The following DAPK1 variants were observed in gnomAD, a reference collection of about 807,000 sequenced individuals.
DAPK1 encodes the protein death associated protein kinase 1.
Under a neutral mutation model 144.9 loss-of-function variants are expected in DAPK1, and 56 were observed. The observed-to-expected ratio is 0.39, with a 90% CI of 0.31 to 0.48. The LOEUF is 0.48. DAPK1 is among the 20% of genes least tolerant of loss of function. The pLI is 0.95. For missense variants in DAPK1, 1,454 were observed against 1,875.4 expected (o/e 0.78, Z 4.15); for synonymous variants, 690 against 749.0 (o/e 0.92, Z 1.29).
chr9:87,516,530 C>A (rs1163589710), intron 2 of DAPK1, among the ~76,000 whole-genome samples: 2 of 152,168 alleles, frequency 1.3e-5, no homozygotes, highest in African/African-American at 4.8e-5. Context: ...TGTTTCTAAA[C>A]TGCCTAATAG....
rs386735949 is a variant in DAPK1 at position 87,643,497 on chromosome 9, CTTT to C, written c.1011+30_1011+32del. On this transcript the variant is annotated intron_variant, in intron 11 of 25. Transcript: ENST00000408954. ...AGCAAACCCGTGAGCCCTGGTGCTC[CTTT>C]CTTAGCACTGGGTACTCAGAATGAC... 2.8e-6 allele frequency: 4 copies of C among 1,415,484 alleles called. No homozygotes were observed. The South Asian group carries it at 3.6e-5, about 13-fold the overall frequency. 87.7% of individuals were successfully genotyped at this position (1,415,484 alleles called of 1,614,324 possible). A position where few individuals can be genotyped will look rare whatever the true frequency, so the allele number is the denominator to read the frequency against.
intron 2 of DAPK1, chr9:87,525,211 C>CT: frequency 1.1e-6 from 1 of 885,376 alleles, no homozygotes. Context: ...CTTTCTGCGT[C>CT]TGTTTTTCAC....
rs1168102307 is a variant in DAPK1, at chr9:87,706,268, T to C, written c.3197T>C (p.Val1066Ala). The part of the protein sequence containing the change: ...ALHHYRGRYT[V>A]EDIQRLVPDS... ...CACCACTACCGGGGCCGCTACACCG[T>C]GGAGGACATCCAGCGCCTGGTGCCC... Residue 1066 changes from valine (V) to alanine (A), a missense_variant, in exon 26 of 26, where the codon GTG becomes GCG. Transcript: ENST00000408954. This position sits in a 1 kb window ranked among gnomAD's most constrained non-coding sequence, Gnocchi z 9.0. The C allele has an allele frequency of 6.2e-7, 1 of 1,613,466 alleles. No individual in the cohort carries two copies.
intron 3 of DAPK1, among the ~76,000 whole-genome samples, chr9:87,629,891 G>T (rs1020124532): frequency 3.3e-5 from 5 of 152,158 alleles, no homozygotes; most frequent in Non-Finnish European, 1.5e-5. Context: ...TTCTGAGGCA[G>T]CATCCACCTG....
chr9:87,668,960 G>A (rs112606348), intron 19 of DAPK1: 52 of 315,448 alleles, frequency 1.6e-4, no homozygotes, highest in African/African-American at 9.6e-4. Flanking sequence ...ACAAAGTAGC[G>A]GGGGATGAGG....
intron 2 of DAPK1, among the ~76,000 whole-genome samples, chr9:87,535,470 CTTGGTCTGTATGGGAT>C (rs1825828300): frequency 6.6e-6 from 1 of 152,140 alleles, no homozygotes; most frequent in Non-Finnish European, 1.5e-5. Flanking sequence ...ACATTTGAAA[CTTGGTCTGTATGGGAT>C]CCTAATTTGG....
intron 21 of DAPK1, among the ~76,000 whole-genome samples, chr9:87,694,301 C>T (rs1294605424): frequency 2.6e-5 from 4 of 152,104 alleles, no homozygotes; most frequent in African/African-American, 9.7e-5. Context: ...ATGGGCGTGA[C>T]CTCAGGCCAC....
chr9:87,644,877 G>A (rs36212382), intron 11 of DAPK1, among the ~76,000 whole-genome samples: 2,214 of 152,176 alleles, frequency 0.015, 53 homozygotes, highest in African/African-American at 0.048. Flanking sequence ...TATTCCTTCT[G>A]TTTTCCCCAT....
chr9:87,707,372 C>T lies in DAPK1; in HGVS notation c.*8C>T, dbSNP rs1318113630. On this transcript the variant is annotated 3_prime_UTR_variant, in exon 26 of 26. Transcript: ENST00000408954. The surrounding 1 kb of genome is among the most constrained non-coding windows in gnomAD (Gnocchi z 4.0). Reference sequence around the variant, plus strand: ...TCTGTTGTATCCCGGTGAGGGCAGCCTCTGGCTTGGGCAGGGTCTGTTTGG... The same window carrying T: ...TCTGTTGTATCCCGGTGAGGGCAGCTTCTGGCTTGGGCAGGGTCTGTTTGG... The T allele has an allele frequency of 6.3e-7, 1 of 1,580,990 alleles. No individual in the cohort carries two copies. Among genetic ancestry groups the T allele is most frequent in the East Asian group, 2.2e-5 (1 of 44,528 alleles).
chr9:87,503,448 TTA>T (rs1329588362), intron 2 of DAPK1, among the ~76,000 whole-genome samples: 1 of 152,164 alleles, frequency 6.6e-6, no homozygotes, highest in Non-Finnish European at 1.5e-5. Context: ...ATCATTTTTA[TTA>T]TTTTTAATAA....
chr9:87,535,606 C>G (rs1457193425), intron 2 of DAPK1, among the ~76,000 whole-genome samples: 3 of 152,044 alleles, frequency 2.0e-5, no homozygotes, highest in African/African-American at 2.4e-5. Context: ...AGTCTCTGCC[C>G]TACTTAACCT....
rs12342770 is a variant in DAPK1, at chr9:87,505,968, G to A, written c.62+6829G>A. Reference sequence around the variant, plus strand: ...CTCCCAAAGTGCTGGGATTATAAGCGTCAGCCTCTCGCTGTGCCTGGCCGG... The same window carrying A: ...CTCCCAAAGTGCTGGGATTATAAGCATCAGCCTCTCGCTGTGCCTGGCCGG... On this transcript the variant is annotated intron_variant, in intron 2 of 25. Coordinates refer to ENST00000408954, the MANE Select transcript of DAPK1 (RefSeq NM_004938.4). Among the ~76,000 whole-genome samples the A allele has an allele frequency of 3.1e-3, 477 of 152,224 alleles. 2 individuals carry two copies. Among genetic ancestry groups the A allele is most frequent in the African/African-American group, 4.0e-3 (166 of 41,552 alleles).
chr9:87,619,231 T>C (rs1178757706), intron 3 of DAPK1, among the ~76,000 whole-genome samples: 3 of 152,340 alleles, frequency 2.0e-5, no homozygotes, highest in African/African-American at 7.2e-5. Context: ...CCTCACTTTT[T>C]AGGCGTGTGT....
intron 2 of DAPK1, among the ~76,000 whole-genome samples, chr9:87,602,009 G>C (rs940821789): frequency 6.6e-6 from 1 of 152,158 alleles, no homozygotes; most frequent in Non-Finnish European, 1.5e-5. Flanking sequence ...TTGTCCCCCA[G>C]GCATTGGCAG....
chr9:87,706,467 G>A lies in DAPK1; in HGVS notation c.3396G>A (p.Val1132=). The A allele has an allele frequency of 6.2e-7, 1 of 1,614,022 alleles. No individual in the cohort carries two copies. The change falls in exon 26 of 26, where the codon GTG becomes GTA. Residue 1132 remains valine (V), a synonymous_variant. Transcript: ENST00000408954. This position sits in a 1 kb window ranked among gnomAD's most constrained non-coding sequence, Gnocchi z 9.0. ...EVMVYGGVRI[V]PVEHLTPFPC... is the part of the protein sequence containing the mutation. Reference sequence around the variant, plus strand: ...TGGTGTATGGTGGCGTGCGCATCGTGCCCGTGGAACACCTCACCCCCTTCC... The same window carrying A: ...TGGTGTATGGTGGCGTGCGCATCGTACCCGTGGAACACCTCACCCCCTTCC...
At chr9:87,656,655 C>G (rs777929385) in intron 17 of DAPK1, among the ~76,000 whole-genome samples, 3 of 152,224 alleles carry the variant, frequency 2.0e-5, no homozygotes, top group Non-Finnish European at 4.4e-5. Flanking sequence ...TGCCTAGCCT[C>G]CCGCCTCAGT....
At chr9:87,502,129 TA>T (rs1213060831) in intron 2 of DAPK1, among the ~76,000 whole-genome samples, 3 of 152,156 alleles carry the variant, frequency 2.0e-5, no homozygotes, top group Non-Finnish European at 2.9e-5. Flanking sequence ...AGTTTCTGTT[TA>T]CCAGCTTTGG....
At chr9:87,563,533 G>C (rs1175608627) in intron 2 of DAPK1, among the ~76,000 whole-genome samples, 1 of 152,218 alleles carries the variant, frequency 6.6e-6, no homozygotes, top group Non-Finnish European at 1.5e-5. Flanking sequence ...CTGCCCAGCA[G>C]AGTCTTGCAG....
chr9:87,672,771 C>A (rs188909126), intron 19 of DAPK1, among the ~76,000 whole-genome samples: 2 of 152,308 alleles, frequency 1.3e-5, no homozygotes, highest in Admixed American at 1.3e-4. Context: ...CCTGGGCACA[C>A]CCGGTACTGG....
Sources: gnomAD v4.1 joint callset for allele counts (sites outside exome capture counted in the v4.1 genomes callset) on GRCh38, gnomAD v4.1.1 for gene constraint, Gnocchi (gnomAD v3.1) non-coding constraint, MANE v1.5 for transcripts, NCBI Gene and HGNC (gene_info 2026-07-23, HGNC 2026-07-21) for gene names.